The following PARVB variants were observed in gnomAD, a reference collection of about 807,000 sequenced individuals.
PARVB encodes beta-parvin.
Under a neutral mutation model 47.0 loss-of-function variants are expected in PARVB, and 46 were observed. The observed-to-expected ratio is 0.98, with a 90% confidence interval of 0.77 to 1.25. The LOEUF is 1.25. PARVB is among the 50% of genes most tolerant of loss of function. PARVB has a pLI of 0.00. For synonymous variants in PARVB, 196 were observed against 196.3 expected (o/e 1.00, Z 0.01); for missense variants, 473 against 471.6 (o/e 1.00, Z -0.03).
chr22:44,156,972 T>C (rs2053949185), intron 10 of PARVB, among the ~76,000 whole-genome samples: 2 of 152,178 alleles, frequency 1.3e-5, no homozygotes, highest in Non-Finnish European at 2.9e-5. Flanking sequence ...ACAATGAGGA[T>C]GTACTTAATG....
intron 1 of PARVB, among the ~76,000 whole-genome samples, chr22:44,057,810 C>T (rs2051342971): frequency 6.6e-6 from 1 of 151,980 alleles, no homozygotes; most frequent in East Asian, 1.9e-4. Context: ...AGCTTAGGTC[C>T]TGGGAAGCCC....
chr22:44,134,669 C>T (rs2053404758), intron 6 of PARVB, among the ~76,000 whole-genome samples: 1 of 152,148 alleles, frequency 6.6e-6, no homozygotes, highest in South Asian at 2.1e-4. Flanking sequence ...CTCTGCAGCC[C>T]CCTGGCCTCT....
chr22:44,148,018 G>A lies in PARVB; in HGVS notation c.774+96G>A, dbSNP rs1427684540. 5 of 945,152 alleles carry A rather than the reference G, an allele frequency of 5.3e-6. No individual in the cohort carries two copies. The African/African-American group carries it at 8.0e-5, about 15-fold the overall frequency. 58.5% of individuals were successfully genotyped at this position (945,152 alleles called of 1,614,324 possible). On this transcript the variant is annotated intron_variant, in intron 9 of 12. Transcript: ENST00000338758. Reference sequence around the variant, plus strand: ...CTGGGAAGAAGGTGGGAAAATGTTTGGAATCTCAGAAATGTTTGCCACATG... The same window carrying A: ...CTGGGAAGAAGGTGGGAAAATGTTTAGAATCTCAGAAATGTTTGCCACATG...
chr22:44,158,464 C>T (rs911229230), intron 11 of PARVB, among the ~76,000 whole-genome samples: 3 of 152,216 alleles, frequency 2.0e-5, no homozygotes, highest in Non-Finnish European at 2.9e-5. Context: ...CACGAAGTCC[C>T]AAGGATGGCT....
intron 1 of PARVB, among the ~76,000 whole-genome samples, chr22:44,066,532 G>C (rs1305919626): frequency 1.3e-5 from 2 of 152,138 alleles, no homozygotes; most frequent in East Asian, 3.9e-4. Flanking sequence ...TTGAAGGCAG[G>C]GCTGCAGTGT....
chr22:44,036,451 G>A (rs964381150), intron 1 of PARVB, among the ~76,000 whole-genome samples: 4 of 151,966 alleles, frequency 2.6e-5, no homozygotes, highest in Admixed American at 1.3e-4. Context: ...TATATTTTAT[G>A]CATTTGTCGC....
intron 6 of PARVB, among the ~76,000 whole-genome samples, chr22:44,134,173 C>A (rs541157169): frequency 7.1e-4 from 108 of 152,296 alleles, no homozygotes; most frequent in African/African-American, 2.5e-3. Context: ...CCCTCTGTTA[C>A]CCTGGGAGCT....
At chr22:44,000,933 A>T (rs2050406923) in intron 2 of PARVB, among the ~76,000 whole-genome samples, 1 of 152,234 alleles carries the variant, frequency 6.6e-6, no homozygotes, top group Non-Finnish European at 1.5e-5. Context: ...AAATGTCAAC[A>T]TGTCTTCATT....
chr22:44,043,620 G>A (rs956994820), intron 1 of PARVB, among the ~76,000 whole-genome samples: 9 of 152,216 alleles, frequency 5.9e-5, no homozygotes, highest in East Asian at 1.9e-4. Context: ...CCCGTGATCC[G>A]TCTGCCTCAG....
At chr22:44,102,699 G>A (rs2052477176) in intron 3 of PARVB, 1 of 152,146 alleles carries the variant, frequency 6.6e-6, no homozygotes, top group African/African-American at 2.4e-5. Context: ...AATTAACTGG[G>A]TGTGGTGGGA....
chr22:44,060,517 G>A (rs1483947886), intron 1 of PARVB, among the ~76,000 whole-genome samples: 1 of 152,048 alleles, frequency 6.6e-6, no homozygotes, highest in African/African-American at 2.4e-5. Flanking sequence ...GGTGTGTCAG[G>A]TCAGGTAGTG....
At chr22:44,030,631 C>T (rs1359467251) in intron 1 of PARVB, among the ~76,000 whole-genome samples, 1 of 152,010 alleles carries the variant, frequency 6.6e-6, no homozygotes, top group East Asian at 1.9e-4. Flanking sequence ...GGGGCACAGG[C>T]AGTGCCCCGA....
At chr22:44,044,756 G>A (rs2051085312) in intron 1 of PARVB, among the ~76,000 whole-genome samples, 1 of 152,204 alleles carries the variant, frequency 6.6e-6, no homozygotes, top group African/African-American at 2.4e-5. Context: ...AATGTGCTGG[G>A]ATTACAGGCA....
At chr22:44,124,586 C>G (rs1012560494) in intron 4 of PARVB, among the ~76,000 whole-genome samples, 1 of 146,868 alleles carries the variant, frequency 6.8e-6, no homozygotes, top group African/African-American at 2.7e-5. Flanking sequence ...CAGACAAGCC[C>G]CATCCTGTGG....
At chr22:44,066,542 T>C (rs148723301) in intron 1 of PARVB, among the ~76,000 whole-genome samples, 1 of 152,320 alleles carries the variant, frequency 6.6e-6, no homozygotes, top group African/African-American at 2.4e-5. Context: ...GGCTGCAGTG[T>C]TTCTCACCTT....
chr22:44,040,503 G>A (rs982317703), intron 1 of PARVB, among the ~76,000 whole-genome samples: 1 of 152,172 alleles, frequency 6.6e-6, no homozygotes, highest in Non-Finnish European at 1.5e-5. Context: ...GAAGGAGGCA[G>A]GAGGGTCAGA....
intron 2 of PARVB, among the ~76,000 whole-genome samples, chr22:44,015,462 C>T (rs1188372205): frequency 6.6e-6 from 1 of 152,118 alleles, no homozygotes; most frequent in African/African-American, 2.4e-5. Flanking sequence ...CTGTTGTTAC[C>T]ACGTATACAA....
At chr22:44,156,598 A>T (rs949030144) in intron 10 of PARVB, among the ~76,000 whole-genome samples, 3 of 152,202 alleles carry the variant, frequency 2.0e-5, no homozygotes, top group African/African-American at 4.8e-5. Context: ...TAATTTTTTT[A>T]AAAATTCAAA....
At chr22:44,129,129 G>A (rs571881729) in intron 4 of PARVB, among the ~76,000 whole-genome samples, 23 of 152,196 alleles carry the variant, frequency 1.5e-4, no homozygotes, top group African/African-American at 4.8e-4. Flanking sequence ...GAGGCCATAC[G>A]AGTGGGTGGG....
Sources: gnomAD v4.1 joint callset for allele counts (sites outside exome capture counted in the v4.1 genomes callset) on GRCh38, gnomAD v4.1.1 for gene constraint, MANE v1.5 for transcripts, NCBI Gene and HGNC (gene_info 2026-07-23, HGNC 2026-07-21) for gene names.